The following RBFOX1 variants were observed in gnomAD, a reference collection of about 807,000 sequenced individuals.
RBFOX1 encodes the protein RNA binding protein fox-1 homolog 1.
A neutral mutation model predicts 57.7 loss-of-function variants in RBFOX1; 8 were observed. That is an observed-to-expected ratio of 0.14 (90% CI 0.08 to 0.25). The LOEUF (loss-of-function observed/expected upper bound fraction) is 0.25, where lower values mean the gene tolerates loss of function less well. RBFOX1 is among the 10% of genes least tolerant of loss of function. RBFOX1 has a pLI of 1.00. For missense variants in RBFOX1, 611 were observed against 548.5 expected, an observed-to-expected ratio of 1.11 and a Z score of -1.14; for synonymous variants, 326 against 222.4, an observed-to-expected ratio of 1.47 and a Z score of -4.15.
chr16:7,162,592 C>T (rs59357150), intron 4 of RBFOX1, among the ~76,000 whole-genome samples: 1 of 137,472 alleles, frequency 7.3e-6, no homozygotes, highest in Non-Finnish European at 1.6e-5. Flanking sequence ...AAAAACATTG[C>T]CAGGTACGCG....
In RBFOX1 at chr16:6,587,211, C is replaced by G. The variant is rs142393752; in HGVS notation, c.-63-67392C>G. On this transcript the variant is annotated intron_variant, in intron 2 of 15. Coordinates refer to ENST00000550418, the MANE Select transcript of RBFOX1 (RefSeq NM_018723.4). ...TCTCTCCGCACTGGTAACCACCATT[C>G]TGTTCTCTGCATTTATGGGTTCACT... Among the ~76,000 whole-genome samples, 34 of 152,230 alleles carry G rather than the reference C, an allele frequency of 2.2e-4. No individual in the cohort carries two copies. The East Asian group carries it at 6.4e-3, about 29-fold the overall frequency.
chr16:7,707,105 T>C (rs1009321774), intron 14 of RBFOX1, among the ~76,000 whole-genome samples: 1 of 152,190 alleles, frequency 6.6e-6, no homozygotes, highest in Non-Finnish European at 1.5e-5. Flanking sequence ...CTTCAGGTCC[T>C]TGTTTGAGGA....
rs1255141226 is a variant in RBFOX1, at chr16:5,305,929, G to A, written c.219+65824G>A. The stretch of plus-strand genomic sequence containing the variant: ...AAAATTAGCTTGATGTGTGGCACAC[G>A]TCTGTAGTCCCAATTACTCAGGAGG... On this transcript the variant is annotated intron_variant, in intron 1 of 2. Transcript: ENST00000585867. Among the ~76,000 whole-genome samples, 9 of 152,132 alleles carry A rather than the reference G, an allele frequency of 5.9e-5. No homozygotes were observed. The South Asian group carries it at 8.3e-4, about 14-fold the overall frequency.
chr16:7,049,514 C>G (rs1041558764), intron 3 of RBFOX1, among the ~76,000 whole-genome samples: 1 of 152,028 alleles, frequency 6.6e-6, no homozygotes, highest in African/African-American at 2.4e-5. Context: ...AGTGTTAAGA[C>G]TCATCTGTCT....
chr16:6,489,491 G>T (rs953870368), intron 2 of RBFOX1, among the ~76,000 whole-genome samples: 1 of 152,090 alleles, frequency 6.6e-6, no homozygotes, highest in Non-Finnish European at 1.5e-5. Flanking sequence ...ATCTGTATGA[G>T]ATCACACAGC....
chr16:7,023,750 C>CCTGTGTTCT (rs1568415976), intron 3 of RBFOX1, among the ~76,000 whole-genome samples: 1 of 151,874 alleles, frequency 6.6e-6, no homozygotes, highest in Non-Finnish European at 1.5e-5. Context: ...CTTATCAATC[C>CCTGTGTTCT]CTGTGTTCTT....
intron 3 of RBFOX1, among the ~76,000 whole-genome samples, chr16:5,766,931 T>A (rs1597164658): frequency 6.6e-6 from 1 of 152,244 alleles, no homozygotes; most frequent in African/African-American, 2.4e-5. Context: ...CAGTACGTGC[T>A]ACTTCTTGCA....
At chr16:6,632,804 C>G (rs1473092571) in intron 2 of RBFOX1, among the ~76,000 whole-genome samples, 5 of 152,196 alleles carry the variant, frequency 3.3e-5, no homozygotes, top group Non-Finnish European at 7.3e-5. Context: ...CTTGGCTCTT[C>G]TTTTCATTAT....
chr16:6,047,087 A>G (rs1226622309), intron 1 of RBFOX1, among the ~76,000 whole-genome samples: 6 of 152,208 alleles, frequency 3.9e-5, no homozygotes, highest in Admixed American at 3.3e-4. Flanking sequence ...AACACAGAGG[A>G]TGCATTATCA....
chr16:6,596,277 G>A (rs1178296945), intron 2 of RBFOX1, among the ~76,000 whole-genome samples: 1 of 152,102 alleles, frequency 6.6e-6, no homozygotes, highest in Non-Finnish European at 1.5e-5. Flanking sequence ...TTCATTTTGA[G>A]TTAAATTTTG....
Position 5,979,688 on chromosome 16 carries a change from C to G in RBFOX1, c.351+112353C>G, listed in dbSNP as rs7199616. Among the ~76,000 whole-genome samples, 635 of 152,124 alleles carry G rather than the reference C, an allele frequency of 4.2e-3. 5 individuals are homozygous for G. The highest frequency in any genetic ancestry group is 0.014 in the African/African-American group (567 of 41,490). ...ACCATCCTGGTCAACATGGTGAAACCCCATCTCTACTAAAAATACAAAAAT... is the reference window on the plus strand; with the variant it reads ...ACCATCCTGGTCAACATGGTGAAACGCCATCTCTACTAAAAATACAAAAAT... On this transcript the variant is annotated intron_variant, in intron 4 of 19. Transcript: ENST00000641259.
intron 1 of RBFOX1, among the ~76,000 whole-genome samples, chr16:6,259,648 G>A (rs144248728): frequency 2.0e-5 from 3 of 152,134 alleles, no homozygotes; most frequent in South Asian, 2.1e-4. Flanking sequence ...GATCATGTAC[G>A]TAGAACAAAT....
intron 2 of RBFOX1, among the ~76,000 whole-genome samples, chr16:6,354,522 A>C (rs1005483000): frequency 6.6e-6 from 1 of 152,102 alleles, no homozygotes; most frequent in Non-Finnish European, 1.5e-5. Flanking sequence ...AAGGTCAAAC[A>C]TCTTTCCCAA....
chr16:7,063,899 C>T (rs2055246362), intron 4 of RBFOX1, among the ~76,000 whole-genome samples: 1 of 152,170 alleles, frequency 6.6e-6, no homozygotes, highest in Non-Finnish European at 1.5e-5. Context: ...CATTTTATAT[C>T]AGAGACCTCA....
intron 4 of RBFOX1, among the ~76,000 whole-genome samples, chr16:7,489,704 G>T (rs2066426046): frequency 6.6e-6 from 1 of 151,212 alleles, no homozygotes; most frequent in Non-Finnish European, 1.5e-5. Flanking sequence ...TTTTTGTAGA[G>T]ACCGTTTTTT....
chr16:6,297,182 T>G (rs12917790), intron 1 of RBFOX1, among the ~76,000 whole-genome samples: 1 of 152,096 alleles, frequency 6.6e-6, no homozygotes, highest in Non-Finnish European at 1.5e-5. Context: ...TGGCCGGCTT[T>G]CTTACTACAA....
At chr16:6,477,792 G>A (rs2095297338) in intron 2 of RBFOX1, among the ~76,000 whole-genome samples, 1 of 152,164 alleles carries the variant, frequency 6.6e-6, no homozygotes, top group Non-Finnish European at 1.5e-5. Flanking sequence ...CTGAAAATCT[G>A]TCATTTAGTG....
At chr16:7,333,002 A>C (rs1222743009) in intron 4 of RBFOX1, 1 of 1,613,582 alleles carries the variant, frequency 6.2e-7, no homozygotes, top group East Asian at 2.2e-5. Context: ...TACGTAAAGC[A>C]TGCTGGCGTC....
At chr16:7,537,376 C>T (rs182699698) in intron 5 of RBFOX1, among the ~76,000 whole-genome samples, 1 of 152,234 alleles carries the variant, frequency 6.6e-6, no homozygotes, top group African/African-American at 2.4e-5. Flanking sequence ...CTGAGAGTGA[C>T]CATTGAGGAT....
Sources: gnomAD v4.1 joint callset for allele counts (sites outside exome capture counted in the v4.1 genomes callset) on GRCh38, gnomAD v4.1.1 for gene constraint, MANE v1.5 for transcripts, NCBI Gene and HGNC (gene_info 2026-07-23, HGNC 2026-07-21) for gene names.